The following RORA variants were observed in gnomAD, a reference collection of about 807,000 sequenced individuals.
RORA encodes the protein RAR related orphan receptor A.
In RORA, 7 loss-of-function variants were observed where a neutral mutation model predicts 69.5. The observed-to-expected ratio is 0.10, with a 90% CI of 0.06 to 0.19. RORA has a LOEUF of 0.19. RORA is among the 10% of genes least tolerant of loss of function. The pLI, the probability that RORA is intolerant of heterozygous loss-of-function variation, is 1.00. For missense variants in RORA, 457 were observed against 663.0 expected (o/e 0.69, Z 3.41); for synonymous variants, 261 against 240.8 (o/e 1.08, Z -0.78).
chr15:60,760,995 C>A (rs2071879319), intron 1 of RORA, among the ~76,000 whole-genome samples: 1 of 152,122 alleles, frequency 6.6e-6, no homozygotes, highest in Non-Finnish European at 1.5e-5. Flanking sequence ...ATTAGTGCCA[C>A]CCTAAGTTTC....
chr15:60,636,661 A>G (rs1322991969), intron 2 of RORA, among the ~76,000 whole-genome samples: 1 of 152,200 alleles, frequency 6.6e-6, no homozygotes, highest in Non-Finnish European at 1.5e-5. Context: ...AATAATACAT[A>G]TATACCTGGT....
intron 1 of RORA, among the ~76,000 whole-genome samples, chr15:60,792,975 CA>C (rs2072438629): frequency 6.6e-6 from 1 of 151,778 alleles, no homozygotes; most frequent in African/African-American, 2.4e-5. Flanking sequence ...CTAAATTCTA[CA>C]AATACTGTCT....
At chr15:60,839,518 T>C (rs1268746227) in intron 1 of RORA, among the ~76,000 whole-genome samples, 1 of 152,232 alleles carries the variant, frequency 6.6e-6, no homozygotes, top group Non-Finnish European at 1.5e-5. Flanking sequence ...ACACAGCATA[T>C]TGATAGTCTA....
At chr15:61,188,995 C>G (rs1225671124) in intron 1 of RORA, among the ~76,000 whole-genome samples, 1 of 152,150 alleles carries the variant, frequency 6.6e-6, no homozygotes, top group East Asian at 1.9e-4. Context: ...AAGGGCATTA[C>G]CAACCCACTC....
intron 1 of RORA, among the ~76,000 whole-genome samples, chr15:61,200,856 T>A (rs1417018161): frequency 6.6e-6 from 1 of 152,052 alleles, no homozygotes; most frequent in Admixed American, 6.5e-5. Flanking sequence ...ACACTTATCA[T>A]CCAGAGGACT....
chr15:61,163,580 C>T (rs74584658), intron 1 of RORA, among the ~76,000 whole-genome samples: 8,679 of 152,108 alleles, frequency 0.057, 411 homozygotes, highest in South Asian at 0.22. Context: ...GAAGGGGAGC[C>T]GATGAGGGAA....
chr15:60,780,176 G>A (rs2072233363), intron 1 of RORA, among the ~76,000 whole-genome samples: 1 of 152,154 alleles, frequency 6.6e-6, no homozygotes. Flanking sequence ...GCTGGGAGTG[G>A]AAAAGTTTGG....
chr15:60,691,477 A>G (rs880625), intron 1 of RORA, among the ~76,000 whole-genome samples: 30,507 of 152,138 alleles, frequency 0.2, 3,737 homozygotes, highest in South Asian at 0.42. Context: ...AAGTGAATGA[A>G]GTTGACTCCC....
intron 1 of RORA, among the ~76,000 whole-genome samples, chr15:60,995,699 G>A (rs1375138137): frequency 6.6e-6 from 1 of 152,118 alleles, no homozygotes; most frequent in East Asian, 1.9e-4. Flanking sequence ...TGATATGCTG[G>A]CAGAATACCC....
intron 1 of RORA, among the ~76,000 whole-genome samples, chr15:61,214,528 T>A (rs193128181): frequency 6.6e-6 from 1 of 152,350 alleles, no homozygotes; most frequent in East Asian, 1.9e-4. Context: ...CTCATCTCTA[T>A]GGACAAGTCT....
chr15:60,752,675 G>T (rs1029691275), intron 1 of RORA, among the ~76,000 whole-genome samples: 1 of 144,574 alleles, frequency 6.9e-6, no homozygotes, highest in Non-Finnish European at 1.5e-5. Flanking sequence ...GAGCGAAGTC[G>T]GTCAGTAGAG....
At chr15:60,563,640 G>T (rs1009467412) in intron 2 of RORA, among the ~76,000 whole-genome samples, 3 of 152,152 alleles carry the variant, frequency 2.0e-5, no homozygotes, top group Admixed American at 1.3e-4. Context: ...ACAGTGCTTG[G>T]GGGACAGGAG....
intron 2 of RORA, among the ~76,000 whole-genome samples, chr15:60,632,705 G>C (rs1036813366): frequency 6.6e-6 from 1 of 151,950 alleles, no homozygotes; most frequent in African/African-American, 2.4e-5. Flanking sequence ...ACACGCATCG[G>C]GTGTCCTACT....
At chr15:61,167,482 AT>A (rs199752865) in intron 1 of RORA, among the ~76,000 whole-genome samples, 45 of 133,584 alleles carry the variant, frequency 3.4e-4, no homozygotes, top group African/African-American at 4.0e-4. Flanking sequence ...TTTGACCAGG[AT>A]TTTTTTTTTT....
chr15:60,936,574 A>T (rs1892528381), intron 1 of RORA, among the ~76,000 whole-genome samples: 1 of 151,388 alleles, frequency 6.6e-6, no homozygotes, highest in African/African-American at 2.4e-5. Context: ...CTAGCCCCCA[A>T]ACGGGGATCA....
chr15:61,144,776 T>C (rs1247157039), intron 1 of RORA, among the ~76,000 whole-genome samples: 1 of 152,176 alleles, frequency 6.6e-6, no homozygotes, highest in East Asian at 1.9e-4. Context: ...CAGCACCACA[T>C]TTCTAGGAAT....
At chr15:60,555,485 T>C (rs1234209979) in intron 2 of RORA, among the ~76,000 whole-genome samples, 1 of 152,212 alleles carries the variant, frequency 6.6e-6, no homozygotes, top group Non-Finnish European at 1.5e-5. Flanking sequence ...AGGAACCCTA[T>C]AATTATTCTG....
At chr15:60,704,624 G>C (rs1173459460) in intron 1 of RORA, among the ~76,000 whole-genome samples, 3 of 152,170 alleles carry the variant, frequency 2.0e-5, no homozygotes, top group African/African-American at 7.2e-5. Context: ...TAAAATAAAA[G>C]CTTGAAAAAG....
At chr15:60,954,148 T>A (rs1036028987) in intron 1 of RORA, among the ~76,000 whole-genome samples, 1 of 145,170 alleles carries the variant, frequency 6.9e-6, no homozygotes, top group African/African-American at 2.6e-5. Flanking sequence ...TGTAGGGACA[T>A]GGATGAAATT....
Sources: gnomAD v4.1 joint callset for allele counts (sites outside exome capture counted in the v4.1 genomes callset) on GRCh38, gnomAD v4.1.1 for gene constraint, MANE v1.5 for transcripts, NCBI Gene and HGNC (gene_info 2026-07-23, HGNC 2026-07-21) for gene names.